Variants in SAMSN1 observed in about 807,000 individuals in gnomAD.
The protein encoded by SAMSN1 is SAM domain-containing protein SAMSN-1.
In SAMSN1, 31 loss-of-function variants were observed where a neutral mutation model predicts 42.0. The observed-to-expected ratio is 0.74, with a 90% CI of 0.55 to 1.00. SAMSN1 has a LOEUF of 1.00. SAMSN1 is among the 50% of genes least tolerant of loss of function. SAMSN1 has a pLI of 0.00. For missense variants in SAMSN1, 464 were observed against 439.4 expected (o/e 1.06, Z -0.50); for synonymous variants, 178 against 151.9 (o/e 1.17, Z -1.26).
At chr21:14,512,643 A>G (rs2122989900) in intron 3 of SAMSN1, 70 bp from the exon 4 acceptor site, 2 of 1,397,178 alleles carry the variant, frequency 1.4e-6, no homozygotes, top group Non-Finnish European at 2.0e-6. Context: ...GAGTACATTG[A>G]TTTAATAGAC....
rs762664788 is a variant in SAMSN1 at position 14,512,484 on chromosome 21, A to C, written c.369T>G (p.Ser123Arg). 6.2e-7 allele frequency: 1 copy of C among 1,614,000 alleles called. No homozygotes were observed. The highest frequency in any genetic ancestry group is 8.5e-7 in the Non-Finnish European group (1 of 1,179,886). ...CACTGTAGAGACTATCCATGGAGTC[A>C]CTGGCTTTGAGGGACACCTTCTCTG... ...THTEKVSLKA[S>R]DSMDSLYSGQ... The change falls in exon 4 of 8, where the codon AGT (serine) becomes AGG (arginine). Residue 123 changes from serine to arginine, a missense_variant. Physicochemically the swap from Ser to Arg is moderately radical, Grantham distance 110. Coordinates refer to ENST00000400566, the MANE Select transcript of SAMSN1 (RefSeq NM_022136.5).
upstream of SAMSN1, among the ~76,000 whole-genome samples, chr21:14,588,021 T>G (rs1376360616): frequency 1.5e-5 from 2 of 137,864 alleles, no homozygotes; most frequent in South Asian, 4.9e-4. Flanking sequence ...CTTGCGATAG[T>G]TTACTGAGAA....
intron 2 of SAMSN1, among the ~76,000 whole-genome samples, chr21:14,556,848 A>G (rs1054563359): frequency 7.9e-5 from 12 of 152,210 alleles, no homozygotes; most frequent in African/African-American, 2.9e-4. Context: ...CTTTTCCATA[A>G]CATTTGCAGC....
chr21:14,621,595 G>GGAGGGGCGCCCACCATTGCA (rs199797741), intron 2 of SAMSN1, among the ~76,000 whole-genome samples: 1 of 151,678 alleles, frequency 6.6e-6, no homozygotes, highest in South Asian at 2.1e-4. Flanking sequence ...AGAGGCTGGG[G>GGAGGGGCGCCCACCATTGCA]GAGGCTTGAG....
intron 1 of SAMSN1, among the ~76,000 whole-genome samples, chr21:14,543,798 C>G (rs966863567): frequency 2.6e-5 from 4 of 151,946 alleles, no homozygotes; most frequent in Non-Finnish European, 5.9e-5. Context: ...CAAGAAAATT[C>G]CTTTCACAAA....
chr21:14,648,229 A>G (rs1031488135), intron 1 of SAMSN1, among the ~76,000 whole-genome samples: 4 of 152,224 alleles, frequency 2.6e-5, no homozygotes, highest in Admixed American at 6.5e-5. Flanking sequence ...TAGAAAGCTG[A>G]AACTGGATCC....
intron 3 of SAMSN1, among the ~76,000 whole-genome samples, chr21:14,513,426 C>A (rs1309485262): frequency 6.6e-6 from 1 of 152,088 alleles, no homozygotes; most frequent in Non-Finnish European, 1.5e-5. Context: ...GAGCAGTGTT[C>A]TTGGAACTGG....
At chr21:14,522,735 T>C (rs1248528587) in intron 1 of SAMSN1, among the ~76,000 whole-genome samples, 1 of 152,156 alleles carries the variant, frequency 6.6e-6, no homozygotes, top group African/African-American at 2.4e-5. Context: ...ACAAATGCGA[T>C]CCATACATAT....
At chr21:14,543,515 G>C (rs1980178532) in intron 1 of SAMSN1, among the ~76,000 whole-genome samples, 1 of 152,016 alleles carries the variant, frequency 6.6e-6, no homozygotes, top group Admixed American at 6.6e-5. Context: ...TTATATAAAT[G>C]AATGTTTTGA....
At chr21:14,512,002 G>C (rs923646809) in intron 4 of SAMSN1, among the ~76,000 whole-genome samples, 2 of 151,946 alleles carry the variant, frequency 1.3e-5, no homozygotes, top group African/African-American at 2.4e-5. Context: ...GAAAGTGGTC[G>C]GGGGAGAAAG....
chr21:14,497,781 G>A (rs577059322), intron 7 of SAMSN1, among the ~76,000 whole-genome samples: 23 of 152,190 alleles, frequency 1.5e-4, no homozygotes, highest in Admixed American at 1.4e-3. Context: ...GACCGGATTT[G>A]GCAGGAAAGG....
intron 2 of SAMSN1, among the ~76,000 whole-genome samples, chr21:14,577,001 G>A (rs1270663489): frequency 4.7e-5 from 7 of 148,640 alleles, no homozygotes; most frequent in African/African-American, 7.4e-5. Flanking sequence ...AATTTGAGAG[G>A]AGGAATGGAT....
chr21:14,586,026 A>C (rs1256418583), upstream of SAMSN1, among the ~76,000 whole-genome samples: 4 of 152,082 alleles, frequency 2.6e-5, no homozygotes, highest in Non-Finnish European at 5.9e-5. Flanking sequence ...GCACTTTGGG[A>C]GGCTGAGGTG....
upstream of SAMSN1, among the ~76,000 whole-genome samples, chr21:14,586,242 G>A (rs554666604): frequency 5.6e-5 from 6 of 106,820 alleles, no homozygotes; most frequent in Non-Finnish European, 8.6e-5. Context: ...CAGCCTGGGT[G>A]ACAGAACGAG....
intron 2 of SAMSN1, among the ~76,000 whole-genome samples, chr21:14,551,718 A>G (rs1290680170): frequency 6.6e-6 from 1 of 152,098 alleles, no homozygotes; most frequent in African/African-American, 2.4e-5. Flanking sequence ...AGTGTTTATT[A>G]CATAACAGAA....
upstream of SAMSN1, among the ~76,000 whole-genome samples, chr21:14,584,242 T>C (rs1198485608): frequency 1.3e-5 from 2 of 152,204 alleles, no homozygotes; most frequent in African/African-American, 4.8e-5. Flanking sequence ...TTTTGGAAAT[T>C]TGTGGACAAA....
intron 5 of SAMSN1, among the ~76,000 whole-genome samples, chr21:14,603,200 C>T (rs1194393899): frequency 6.6e-6 from 1 of 152,106 alleles, no homozygotes; most frequent in East Asian, 1.9e-4. Context: ...CCTCTTATTC[C>T]TTTCCATCTT....
At chr21:14,593,793 AC>A (rs1982164545) in intron 7 of SAMSN1, 1 of 351,516 alleles carries the variant, frequency 2.8e-6, no homozygotes, top group African/African-American at 2.1e-5. Flanking sequence ...TTATATAACA[AC>A]CTTTCCTTCT....
chr21:14,548,802 G>A (rs550901387), upstream of SAMSN1, among the ~76,000 whole-genome samples: 14 of 152,046 alleles, frequency 9.2e-5, no homozygotes, highest in East Asian at 3.9e-4. Flanking sequence ...GAGATATTTA[G>A]TGAGTGACAC....
Sources: allele counts gnomAD v4.1 joint callset (sites outside exome capture counted in the v4.1 genomes callset), GRCh38; gene constraint gnomAD v4.1.1; transcripts MANE v1.5; gene names NCBI Gene and HGNC (gene_info 2026-07-23, HGNC 2026-07-21).